The following CFAP221 variants were observed in gnomAD, a reference collection of about 807,000 sequenced individuals.
CFAP221 encodes cilia and flagella associated protein 221.
In CFAP221, 97 loss-of-function variants were observed where a neutral mutation model predicts 113.1. The observed-to-expected ratio is 0.86, with a 90% confidence interval of 0.73 to 1.02. The LOEUF is 1.02. Among genes scored for constraint, CFAP221 ranks in the 50% least tolerant of loss-of-function variants. The pLI is 0.00. For missense variants in CFAP221, 1,025 were observed against 1,013.4 expected, an observed-to-expected ratio of 1.01 and a Z score of -0.16; for synonymous variants, 331 against 354.4, an observed-to-expected ratio of 0.93 and a Z score of 0.74.
At chr2:119,567,228 C>T (rs979528125) in intron 6 of CFAP221, among the ~76,000 whole-genome samples, 1 of 151,698 alleles carries the variant, frequency 6.6e-6, no homozygotes, top group African/African-American at 2.4e-5. Context: ...ATTGTAGTAT[C>T]ATACAGAGTA....
At chr2:119,607,580 A>G (rs764287828) in intron 11 of CFAP221, among the ~76,000 whole-genome samples, 3 of 152,216 alleles carry the variant, frequency 2.0e-5, no homozygotes, top group African/African-American at 7.2e-5. Context: ...TAAATCCACA[A>G]TGTTGCATGA....
intron 7 of CFAP221, among the ~76,000 whole-genome samples, chr2:119,590,663 T>C (rs1381615217): frequency 2.0e-5 from 3 of 152,240 alleles, no homozygotes; most frequent in Admixed American, 2.0e-4. Context: ...CCTTTTTGCA[T>C]CTTTTTTCTC....
chr2:119,559,634 T>A, intron 3 of CFAP221, 55 bp from the exon 4 acceptor site: 1 of 1,363,266 alleles, frequency 7.3e-7, no homozygotes, highest in South Asian at 1.2e-5. Context: ...ATAAATGAGG[T>A]GAGTATGCAA....
intron 7 of CFAP221, among the ~76,000 whole-genome samples, chr2:119,600,479 G>A (rs192411483): frequency 9.0e-4 from 137 of 152,292 alleles, no homozygotes; most frequent in Non-Finnish European, 1.6e-3. Flanking sequence ...TGTCTGAATC[G>A]CTAATGCAGA....
chr2:119,654,726 A>C (rs971805230), intron 23 of CFAP221, among the ~76,000 whole-genome samples: 9 of 152,202 alleles, frequency 5.9e-5, no homozygotes, highest in Admixed American at 2.6e-4. Flanking sequence ...ACATACATAC[A>C]TTTCACACAT....
chr2:119,560,976 A>AT (rs898989741), intron 5 of CFAP221, among the ~76,000 whole-genome samples: 1 of 151,856 alleles, frequency 6.6e-6, no homozygotes, highest in Non-Finnish European at 1.5e-5. Flanking sequence ...GACCATTATT[A>AT]TTTTTTTGGA....
chr2:119,581,635 G>A (rs574948875), intron 6 of CFAP221, among the ~76,000 whole-genome samples: 1 of 152,344 alleles, frequency 6.6e-6, no homozygotes, highest in East Asian at 1.9e-4. Context: ...TCTGTCAGGA[G>A]AGAGTGGAGG....
chr2:119,558,565 C>T (rs1429221445), intron 3 of CFAP221, among the ~76,000 whole-genome samples: 1 of 152,138 alleles, frequency 6.6e-6, no homozygotes, highest in African/African-American at 2.4e-5. Context: ...CACCTGTAAT[C>T]CCAGCACTTT....
At chr2:119,645,240 T>A (rs1687730778) in intron 21 of CFAP221, among the ~76,000 whole-genome samples, 1 of 151,824 alleles carries the variant, frequency 6.6e-6, no homozygotes, top group Non-Finnish European at 1.5e-5. Flanking sequence ...TATTTCACTT[T>A]CTTATTGATT....
chr2:119,564,680 G>A (rs76078530), intron 6 of CFAP221, among the ~76,000 whole-genome samples: 1,976 of 152,172 alleles, frequency 0.013, 47 homozygotes, highest in African/African-American at 0.046. Flanking sequence ...ATGTTTTTGC[G>A]GTTCAGCCAC....
At chr2:119,620,007 T>C (rs59904919) in intron 14 of CFAP221, among the ~76,000 whole-genome samples, 24,533 of 151,922 alleles carry the variant, frequency 0.16, 2,101 homozygotes, top group African/African-American at 0.23. Context: ...GAAGATCAAC[T>C]TGATGAAATA....
chr2:119,653,049 A>G (rs1435128936), intron 23 of CFAP221, among the ~76,000 whole-genome samples: 1 of 150,552 alleles, frequency 6.6e-6, no homozygotes, highest in Non-Finnish European at 1.5e-5. Context: ...ATAGTTAAAT[A>G]TATATTTTCC....
At chr2:119,572,773 T>G in intron 6 of CFAP221, 1 of 542,938 alleles carries the variant, frequency 1.8e-6, no homozygotes, top group Non-Finnish European at 3.3e-6. Flanking sequence ...AATGATGCCA[T>G]GGGCAAGGCC....
At chr2:119,608,480 A>AG in intron 11 of CFAP221, 22 bp from the exon 12 acceptor site, 2 of 831,748 alleles carry the variant, frequency 2.4e-6, no homozygotes, top group Non-Finnish European at 3.6e-6. Flanking sequence ...TTCTGGACAC[A>AG]GTTTTTTTTT....
intron 21 of CFAP221, among the ~76,000 whole-genome samples, chr2:119,646,429 G>C (rs1204039071): frequency 6.6e-6 from 1 of 152,140 alleles, no homozygotes; most frequent in Non-Finnish European, 1.5e-5. Context: ...CATGGCCAGA[G>C]CAGGAGGAAG....
chr2:119,599,026 C>A (rs537689590), intron 7 of CFAP221, among the ~76,000 whole-genome samples: 5 of 152,310 alleles, frequency 3.3e-5, no homozygotes, highest in African/African-American at 1.2e-4. Context: ...AAGCCCCACA[C>A]ATGATGGAGA....
chr2:119,624,948 A>G (rs1020653531), intron 14 of CFAP221, among the ~76,000 whole-genome samples: 3 of 152,038 alleles, frequency 2.0e-5, no homozygotes, highest in Non-Finnish European at 4.4e-5. Context: ...GTAGCAAACT[A>G]CCATGGCACG....
intron 10 of CFAP221, 63 bp from the exon 11 acceptor site, chr2:119,605,118 T>C: frequency 2.0e-6 from 3 of 1,515,354 alleles, no homozygotes; most frequent in South Asian, 2.3e-5. Flanking sequence ...GAAATGTGTT[T>C]TTCTCTCCGC....
At chr2:119,625,020 T>C (rs1402538910) in intron 14 of CFAP221, among the ~76,000 whole-genome samples, 1 of 149,404 alleles carries the variant, frequency 6.7e-6, no homozygotes, top group Non-Finnish European at 1.5e-5. Flanking sequence ...ACAGTATATA[T>C]TAAAAAAAAA....
Sources: allele counts gnomAD v4.1 joint callset (sites outside exome capture counted in the v4.1 genomes callset), GRCh38; gene constraint gnomAD v4.1.1; transcripts MANE v1.5; gene names NCBI Gene and HGNC (gene_info 2026-07-23, HGNC 2026-07-21).